FDFT1: variants seen among roughly 807,000 people sequenced by gnomAD.
FDFT1 encodes farnesyl-diphosphate farnesyltransferase 1.
Under a neutral mutation model 46.8 loss-of-function variants are expected in FDFT1, and 68 were observed. That is an observed-to-expected ratio of 1.45 (90% CI 1.19 to 1.78). The LOEUF (loss-of-function observed/expected upper bound fraction) is 1.78. FDFT1 is among the 40% of genes most tolerant of loss of function. The pLI is 0.00. For synonymous variants in FDFT1, 351 were observed against 185.1 expected (o/e 1.90, Z -7.28); for missense variants, 928 against 524.4 (o/e 1.77, Z -7.52).
intron 3 of FDFT1, among the ~76,000 whole-genome samples, chr8:11,816,565 C>A (rs539797785): frequency 1.3e-5 from 2 of 152,098 alleles, no homozygotes; most frequent in Admixed American, 6.5e-5. Context: ...TTGTAGTTCT[C>A]TTTGAAGAGG....
At chr8:11,802,397 G>C (rs778743950), upstream of FDFT1, 7 of 456,500 alleles carry the variant, frequency 1.5e-5, no homozygotes, top group Non-Finnish European at 4.4e-6. Context: ...GGGCTCCTGC[G>C]CATCCTAAGC....
upstream of FDFT1, among the ~76,000 whole-genome samples, chr8:11,797,486 C>T (rs142496115): frequency 7.3e-5 from 11 of 150,886 alleles, no homozygotes; most frequent in East Asian, 5.8e-4. Context: ...TCCCATGTCT[C>T]CTGCCACATT....
intron 6 of FDFT1, among the ~76,000 whole-genome samples, 191 bp from the exon 7 acceptor site, chr8:11,831,327 G>C (rs1296024): frequency 1.3e-5 from 2 of 152,222 alleles, no homozygotes; most frequent in African/African-American, 2.4e-5. Context: ...GTGTTGTTGA[G>C]AAAGGGAGGA....
At chr8:11,809,383 T>A in intron 2 of FDFT1, 1 of 1,163,310 alleles carries the variant, frequency 8.6e-7, no homozygotes, top group Non-Finnish European at 1.1e-6. Flanking sequence ...CGTTTGGTCT[T>A]CTGGTCTCCA....
Position 11,808,880 on chromosome 8 carries a change from T to A in FDFT1, c.186T>A (p.Asp62Glu), listed in dbSNP as rs2130719196. The A allele has an allele frequency of 1.2e-6, 2 of 1,613,758 alleles. No homozygotes were observed. The highest frequency in any genetic ancestry group is 4.5e-5 in the East Asian group (2 of 44,878). ...RSFAAVIQAL[D>E]GEMRNAVCIF... is the part of the protein sequence containing the mutation. ...TCGCAGCTGTTATCCAGGCGCTGGA[T>A]GGGGAAATGCGGTGAGTGATGGAGG... The change falls in exon 2 of 8, where the codon GAT (aspartate) becomes GAA (glutamate). Residue 62 changes from aspartate to glutamate, a missense_variant. Transcript: ENST00000220584.
At position 11,809,869 on chromosome 8, in the gene FDFT1, C is replaced by G. The variant is rs771600798; in HGVS notation, c.381+19C>G. The G allele has an allele frequency of 4.4e-6, 7 of 1,593,992 alleles. No individual in the cohort carries two copies. In the East Asian group the frequency reaches 1.1e-4, roughly 25 times the overall value. ...CCCAACGGTGAGTGGGGTTACGCATCTTGTCTACGGACTGTTGTGTTCATA... is the reference window on the plus strand; with the variant it reads ...CCCAACGGTGAGTGGGGTTACGCATGTTGTCTACGGACTGTTGTGTTCATA... On this transcript the variant is annotated intron_variant, in intron 3 of 7. Coordinates refer to ENST00000220584, the MANE Select transcript of FDFT1 (RefSeq NM_004462.5).
At chr8:11,801,164 C>G (rs987785601), upstream of FDFT1, among the ~76,000 whole-genome samples, 1 of 152,012 alleles carries the variant, frequency 6.6e-6, no homozygotes, top group African/African-American at 2.4e-5. Context: ...AACAGCTAGA[C>G]AAAAAGTCCT....
At chr8:11,811,697 C>A (rs1166651316) in intron 3 of FDFT1, among the ~76,000 whole-genome samples, 4 of 152,218 alleles carry the variant, frequency 2.6e-5, no homozygotes, top group Non-Finnish European at 4.4e-5. Context: ...AGATTCCATC[C>A]TCTTGAAAGC....
chr8:11,822,575 A>C (rs1049810280), intron 4 of FDFT1, among the ~76,000 whole-genome samples: 1 of 152,178 alleles, frequency 6.6e-6, no homozygotes, highest in Non-Finnish European at 1.5e-5. Context: ...GCACTTTGGG[A>C]GGCTGAGGTG....
At chr8:11,795,611 T>G (rs3104257) in exon 1 of FDFT1, 4 of 150,740 alleles carry the variant, frequency 2.7e-5, no homozygotes, top group Admixed American at 1.3e-4. Context: ...TTTACAACGC[T>G]TGGGAAGCTT....
intron 5 of FDFT1, among the ~76,000 whole-genome samples, chr8:11,828,140 T>C (rs1400944771): frequency 1.3e-5 from 2 of 151,728 alleles, no homozygotes; most frequent in Non-Finnish European, 2.9e-5. Context: ...AATCAAAAAT[T>C]AGCTGGGTAT....
Position 11,826,110 on chromosome 8 carries a change from A to C in FDFT1, c.597A>C (p.Glu199Asp), listed in dbSNP as rs1428871485. 28 of 1,610,706 alleles carry C rather than the reference A, an allele frequency of 1.7e-5. No individual in the cohort carries two copies. The highest frequency in any genetic ancestry group is 2.2e-5 in the Non-Finnish European group (26 of 1,177,380). The change falls in exon 5 of 8, where the codon GAA (glutamate) becomes GAC (aspartate). Residue 199 changes from glutamate to aspartate, a missense_variant. Glu to Asp is a conservative substitution (Grantham distance 45). Coordinates refer to ENST00000220584, the MANE Select transcript of FDFT1 (RefSeq NM_004462.5). ...ASEFEDPLVGEDTERANSMGL... is the reference protein window; with the variant it reads ...ASEFEDPLVGDDTERANSMGL... ...AGTTTGAAGACCCCTTAGTTGGTGA[A>C]GATACAGAACGTGCCAACTCTATGG...
At chr8:11,835,371 C>T (rs549115355) in intron 7 of FDFT1, among the ~76,000 whole-genome samples, 5 of 152,324 alleles carry the variant, frequency 3.3e-5, no homozygotes, top group African/African-American at 1.2e-4. Context: ...AAGTCCACGT[C>T]TGAGTACCAG....
At chr8:11,795,583 G>A (rs1033914484) in exon 1 of FDFT1, 1 of 94,832 alleles carries the variant, frequency 1.1e-5, no homozygotes, top group Non-Finnish European at 2.2e-5. Flanking sequence ...AAAAACGGTG[G>A]CAACACGCTG....
rs1463727035 is a variant in FDFT1, at chr8:11,838,727, G to A, written c.*118G>A. ...CTACTTTAATCCCTAAAAGAACGCT[G>A]TGTGGCTGGGACCTTTAGGAAAGTG... On this transcript the variant is annotated 3_prime_UTR_variant, in exon 8 of 8. Coordinates refer to ENST00000220584, the MANE Select transcript of FDFT1 (RefSeq NM_004462.5). The A allele has an allele frequency of 7.4e-6, 6 of 813,408 alleles. No individual in the cohort carries two copies. Among genetic ancestry groups the A allele is most frequent in the East Asian group, 2.6e-5 (1 of 37,848 alleles). The allele number at this position is 813,408 out of a possible 1,614,324, so 50.4% of individuals were successfully genotyped here. A position where few individuals can be genotyped will look rare whatever the true frequency, so the allele number is the denominator to read the frequency against.
Position 11,802,851 on chromosome 8 carries a change from C to A in FDFT1, c.19C>A (p.Leu7Ile), listed in dbSNP as rs574662343. Residue 7 changes from leucine (L) to isoleucine (I), a missense_variant, in exon 1 of 8, where the codon CTT becomes ATT. Transcript: ENST00000220584. MEFVKC[L>I]GHPEEFYNLV... ...CGCCAGGATGGAGTTCGTGAAATGC[C>A]TTGGCCACCCCGAAGAGTTCTACAA... The A allele has an allele frequency of 5.1e-5, 82 of 1,611,404 alleles. 1 individual carries two copies. In the South Asian group the frequency reaches 8.8e-4, roughly 17 times the overall value.
rs1403591019 is a variant in FDFT1 at position 11,807,505 on chromosome 8, GTA to G, written c.100-1288_100-1287del. Among the ~76,000 whole-genome samples, 12 of 151,930 alleles carry G rather than the reference GTA, an allele frequency of 7.9e-5. No homozygotes were observed. In the South Asian group the frequency reaches 1.0e-3, roughly 13 times the overall value. The stretch of plus-strand genomic sequence containing the variant: ...CCAGTCTCTCCCAAAAAGAACTGTT[GTA>G]AGACTGTGGGGTGAGGGGAGGGAAG... On this transcript the variant is annotated intron_variant, in intron 1 of 7. Transcript: ENST00000220584.
chr8:11,796,372 G>A (rs556044795), intron 1 of FDFT1, among the ~76,000 whole-genome samples: 5 of 152,282 alleles, frequency 3.3e-5, no homozygotes, highest in East Asian at 3.9e-4. Context: ...GTGAGGTGGC[G>A]AAACAGACAA....
intron 1 of FDFT1, chr8:11,803,547 ATCTGCCT>A (rs1806419369): frequency 1.8e-6 from 2 of 1,102,660 alleles, no homozygotes; most frequent in South Asian, 1.6e-5. Flanking sequence ...TTAGATTTTT[ATCTGCCT>A]CATGCCTGTA....
Sources: gnomAD v4.1 joint callset for allele counts (sites outside exome capture counted in the v4.1 genomes callset) on GRCh38, gnomAD v4.1.1 for gene constraint, MANE v1.5 for transcripts, NCBI Gene and HGNC (gene_info 2026-07-23, HGNC 2026-07-21) for gene names.